The following EXD3 variants were observed in gnomAD, a reference collection of about 807,000 sequenced individuals.
The protein encoded by EXD3 is exonuclease mut-7 homolog.
In EXD3, 92 loss-of-function variants were observed where a neutral mutation model predicts 98.0. The observed-to-expected ratio is 0.94, with a 90% confidence interval of 0.79 to 1.12. The LOEUF (loss-of-function observed/expected upper bound fraction) is 1.12. EXD3 is among the 50% of genes most tolerant of loss of function. The pLI, the probability that EXD3 is intolerant of heterozygous loss-of-function variation, is 0.00. For synonymous variants in EXD3, 569 were observed against 526.0 expected (o/e 1.08, Z -1.12); for missense variants, 1,222 against 1,191.6 (o/e 1.03, Z -0.38).
chr9:137,307,926 T>G (rs989795628), intron 20 of EXD3, among the ~76,000 whole-genome samples: 2 of 151,344 alleles, frequency 1.3e-5, no homozygotes, highest in African/African-American at 2.4e-5. Flanking sequence ...TGATTAGGGC[T>G]CTTGGGGGCC....
intron 5 of EXD3, 94 bp downstream of exon 5, chr9:137,372,811 G>T: frequency 7.6e-7 from 1 of 1,317,148 alleles, no homozygotes; most frequent in Non-Finnish European, 1.0e-6. Flanking sequence ...GCCCCAAACA[G>T]CCCCCACACA....
chr9:137,373,953 A>G (rs553114785), intron 3 of EXD3, among the ~76,000 whole-genome samples: 1 of 152,378 alleles, frequency 6.6e-6, no homozygotes, highest in South Asian at 2.1e-4. Flanking sequence ...TGCCCTCAGC[A>G]GGCGAAAGAA....
At chr9:137,331,999 C>T (rs1002634625) in intron 17 of EXD3, among the ~76,000 whole-genome samples, 1 of 152,158 alleles carries the variant, frequency 6.6e-6, no homozygotes, top group African/African-American at 2.4e-5. Context: ...CACACACACA[C>T]ACACAGAACA....
chr9:137,373,378 G>A (rs1242248544), intron 4 of EXD3, 48 bp downstream of exon 4: 3 of 1,585,918 alleles, frequency 1.9e-6, no homozygotes, highest in African/African-American at 1.3e-5. Context: ...CTATGCTGAG[G>A]GGCAGGGGCA....
chr9:137,317,159 C>T (rs1308661405), intron 19 of EXD3, among the ~76,000 whole-genome samples: 1 of 152,118 alleles, frequency 6.6e-6, no homozygotes, highest in African/African-American at 2.4e-5. Context: ...AGAGGCAGCC[C>T]TGCCTCTGTA....
chr9:137,383,221 G>T, intron 3 of EXD3, 92 bp downstream of exon 3: 1 of 1,091,500 alleles, frequency 9.2e-7, no homozygotes, highest in South Asian at 1.4e-5. Context: ...GCAGCTTCCT[G>T]ACCAGGGAGG....
rs745429103 is a variant in EXD3 at position 137,307,105 on chromosome 9, G to C, written c.2476C>G (p.Leu826Val). 1.6e-5 allele frequency: 25 copies of C among 1,608,842 alleles called. No homozygotes were observed. The highest frequency in any genetic ancestry group is 3.3e-5 in the South Asian group (3 of 90,494). Reference sequence around the variant, plus strand: ...CCCGTGCAGCAGTAGAAGCACCGCAGCCCAGGTGTCCTCAGCACACCCACC... The same window carrying C: ...CCCGTGCAGCAGTAGAAGCACCGCACCCCAGGTGTCCTCAGCACACCCACC... ...VPVGVLRTPG[L>V]RCFYCCTGCG... Residue 826 changes from leucine to valine, a missense_variant, in exon 22 of 22, where the codon CTG becomes GTG. Coordinates refer to ENST00000340951, the MANE Select transcript of EXD3 (RefSeq NM_017820.5).
At chr9:137,327,024 G>A (rs1832443919) in intron 17 of EXD3, among the ~76,000 whole-genome samples, 1 of 152,010 alleles carries the variant, frequency 6.6e-6, no homozygotes, top group Non-Finnish European at 1.5e-5. Context: ...GATACTATAT[G>A]ATTCCACGTC....
intron 1 of EXD3, among the ~76,000 whole-genome samples, chr9:137,421,560 T>TGGGCAGAGGTTCACACC (rs1838514984): frequency 6.6e-6 from 1 of 152,218 alleles, no homozygotes; most frequent in Non-Finnish European, 1.5e-5. Context: ...AGAACCTGGC[T>TGGGCAGAGGTTCACACC]GGGCAGAGGT....
intron 1 of EXD3, among the ~76,000 whole-genome samples, chr9:137,416,137 C>T (rs1460610564): frequency 1.3e-5 from 2 of 152,232 alleles, no homozygotes; most frequent in Non-Finnish European, 2.9e-5. Flanking sequence ...CTCTGCCTGC[C>T]GCCGGCCACT....
At chr9:137,322,654 C>T (rs1410229291) in intron 19 of EXD3, among the ~76,000 whole-genome samples, 2 of 137,626 alleles carry the variant, frequency 1.5e-5, no homozygotes, top group African/African-American at 2.8e-5. Context: ...CACCTCACCC[C>T]GGACCCCCGA....
Position 137,332,622 on chromosome 9 carries a change from T to C in EXD3, c.1999-8479A>G, listed in dbSNP as rs192309187. Among the ~76,000 whole-genome samples, 97 of 151,936 alleles carry C rather than the reference T, an allele frequency of 6.4e-4. 1 individual carries two copies. Among genetic ancestry groups the C allele is most frequent in the African/African-American group, 2.3e-3 (95 of 41,412 alleles). On this transcript the variant is annotated intron_variant, in intron 17 of 21. Transcript: ENST00000340951. Reference sequence around the variant, plus strand: ...ACTTTGGGAGGCCAAGGCGGGCAGATCACAAGGTCAGGAGATCGAGACCAT... The same window carrying C: ...ACTTTGGGAGGCCAAGGCGGGCAGACCACAAGGTCAGGAGATCGAGACCAT...
At chr9:137,319,067 T>C (rs1179334620) in intron 19 of EXD3, among the ~76,000 whole-genome samples, 1 of 152,208 alleles carries the variant, frequency 6.6e-6, no homozygotes, top group Non-Finnish European at 1.5e-5. Flanking sequence ...AGGGAGGTGG[T>C]CAGCTCTGGC....
chr9:137,355,287 C>T (rs1278773894), intron 8 of EXD3, among the ~76,000 whole-genome samples: 2 of 152,132 alleles, frequency 1.3e-5, no homozygotes, highest in Non-Finnish European at 2.9e-5. Context: ...CCTTTTCCCC[C>T]AGGGTGCGGC....
At chr9:137,369,429 G>A (rs760501610) in intron 5 of EXD3, among the ~76,000 whole-genome samples, 14 of 152,276 alleles carry the variant, frequency 9.2e-5, no homozygotes, top group East Asian at 5.8e-4. Flanking sequence ...GTCACAACCC[G>A]CCCGCCCTCT....
Position 137,395,552 on chromosome 9 carries a change from G to T in EXD3, c.-47-148C>A. ...CCCCAGTCGCTGAGCATAGCGGGCA[G>T]CTCCACACTCCTCTCCCAGCTGGGG... On this transcript the variant is annotated intron_variant, in intron 1 of 21. Coordinates refer to ENST00000340951, the MANE Select transcript of EXD3 (RefSeq NM_017820.5). The surrounding 1 kb of genome is among the most constrained non-coding windows in gnomAD (Gnocchi z 6.5). 1 of 691,632 alleles carries T rather than the reference G, an allele frequency of 1.4e-6. No individual in the cohort carries two copies. The highest frequency in any genetic ancestry group is 2.4e-6 in the Non-Finnish European group (1 of 414,286). 42.8% of individuals were successfully genotyped at this position (691,632 alleles called of 1,614,324 possible).
chr9:137,409,066 C>T lies in EXD3; in HGVS notation c.-47-13662G>A, dbSNP rs1179688996. Among the ~76,000 whole-genome samples, 6 of 152,370 alleles carry T rather than the reference C, an allele frequency of 3.9e-5. No individual in the cohort carries two copies. In the East Asian group the frequency reaches 5.8e-4, roughly 15 times the overall value. On this transcript the variant is annotated intron_variant, in intron 1 of 21. Coordinates refer to ENST00000340951, the MANE Select transcript of EXD3 (RefSeq NM_017820.5). Reference sequence around the variant, plus strand: ...ACGCTGGAATTCCATCACCATGCTGCGGCGTTTCAAGGTGGGGCCTTGGGA... The same window carrying T: ...ACGCTGGAATTCCATCACCATGCTGTGGCGTTTCAAGGTGGGGCCTTGGGA...
At position 137,347,632 on chromosome 9, in the gene EXD3, C is replaced by T. The variant is rs539066799; in HGVS notation, c.1998+439G>A. The stretch of plus-strand genomic sequence containing the variant: ...CTAATTTTTCTATTTTTGGTACAGA[C>T]GGGGTTTCACCATATTGGTCAGGCT... On this transcript the variant is annotated intron_variant, in intron 17 of 21. Transcript: ENST00000340951. This position sits in a 1 kb window ranked among gnomAD's most constrained non-coding sequence, Gnocchi z 4.2. 3.9e-5 allele frequency among the ~76,000 whole-genome samples: 6 copies of T among 152,018 alleles called. No homozygotes were observed. Among genetic ancestry groups the T allele is most frequent in the South Asian group, 2.1e-4 (1 of 4,808 alleles).
intron 4 of EXD3, 74 bp downstream of exon 4, chr9:137,373,352 G>T: frequency 1.3e-6 from 2 of 1,528,276 alleles, no homozygotes; most frequent in Non-Finnish European, 1.8e-6. Context: ...GCCTGGGCAG[G>T]TGGATGCCGG....
Sources: allele counts gnomAD v4.1 joint callset (sites outside exome capture counted in the v4.1 genomes callset), GRCh38; gene constraint gnomAD v4.1.1; non-coding constraint Gnocchi (gnomAD v3.1); transcripts MANE v1.5; gene names NCBI Gene and HGNC (gene_info 2026-07-23, HGNC 2026-07-21).